Variants in POU6F2 observed in about 807,000 individuals in gnomAD.
POU6F2 encodes POU domain, class 6, transcription factor 2.
In POU6F2, 31 loss-of-function variants were observed where a neutral mutation model predicts 71.3. The observed-to-expected ratio is 0.43, with a 90% CI of 0.33 to 0.59. POU6F2 has a LOEUF of 0.59. Ranked by LOEUF, POU6F2 falls within the 20% of genes least tolerant of loss-of-function variation. The pLI is 0.04. For missense variants in POU6F2, 783 were observed against 856.8 expected (o/e 0.91, Z 1.07); for synonymous variants, 347 against 355.7 (o/e 0.98, Z 0.27).
chr7:39,074,688 G>A lies in POU6F2; in HGVS notation c.106-11172G>A, dbSNP rs374240713. On this transcript the variant is annotated intron_variant, in intron 1 of 9. Coordinates refer to ENST00000518318, the MANE Select transcript of POU6F2 (RefSeq NM_001370959.1). The stretch of plus-strand genomic sequence containing the variant: ...TGGTTTCTTGTTGAATTTTTTTGGT[G>A]GGATGTGGGGTGGGGAGCAGATCAG... Among the ~76,000 whole-genome samples, 155 of 152,110 alleles carry A rather than the reference G, an allele frequency of 1.0e-3. 2 individuals carry two copies. The South Asian group carries it at 0.025, about 24-fold the overall frequency.
At chr7:39,142,311 A>G (rs1792519451) in intron 2 of POU6F2, among the ~76,000 whole-genome samples, 1 of 152,218 alleles carries the variant, frequency 6.6e-6, no homozygotes, top group Non-Finnish European at 1.5e-5. Context: ...TTCTCAGAAC[A>G]TTATACCGTG....
intron 4 of POU6F2, among the ~76,000 whole-genome samples, chr7:39,298,517 G>A (rs1260168923): frequency 2.0e-5 from 3 of 152,204 alleles, no homozygotes; most frequent in African/African-American, 4.8e-5. Context: ...GAATGCTGGT[G>A]AGGCTGTGGA....
At chr7:39,282,151 A>G (rs192820383) in intron 4 of POU6F2, among the ~76,000 whole-genome samples, 35 of 152,108 alleles carry the variant, frequency 2.3e-4, no homozygotes, top group Admixed American at 2.0e-3. Context: ...TTGCTTTGCT[A>G]TTGAGTTGTT....
intron 2 of POU6F2, among the ~76,000 whole-genome samples, chr7:39,198,861 A>G (rs1430926637): frequency 2.0e-5 from 3 of 152,212 alleles, no homozygotes; most frequent in Admixed American, 6.5e-5. Context: ...GAAAGGAAGA[A>G]AAGTTTAATT....
chr7:39,211,759 C>A (rs140854641), intron 4 of POU6F2, among the ~76,000 whole-genome samples: 1 of 152,176 alleles, frequency 6.6e-6, no homozygotes, highest in Non-Finnish European at 1.5e-5. Flanking sequence ...CACAAGGCTG[C>A]AGGCTGTATC....
At chr7:39,159,048 C>T (rs1036212491) in intron 2 of POU6F2, among the ~76,000 whole-genome samples, 4 of 151,612 alleles carry the variant, frequency 2.6e-5, no homozygotes, top group Admixed American at 1.3e-4. Flanking sequence ...TGTGGTGGTG[C>T]GTGCCTGTAA....
At chr7:39,250,061 C>T (rs970786391) in intron 4 of POU6F2, among the ~76,000 whole-genome samples, 12 of 152,194 alleles carry the variant, frequency 7.9e-5, no homozygotes, top group Admixed American at 7.9e-4. Flanking sequence ...AGGGCCGCAT[C>T]AGCAGTGCCA....
intron 4 of POU6F2, among the ~76,000 whole-genome samples, chr7:39,312,314 T>C (rs1785181325): frequency 6.6e-6 from 1 of 152,212 alleles, no homozygotes; most frequent in African/African-American, 2.4e-5. Context: ...ACTTAAAGGT[T>C]AGTTATTCAG....
chr7:39,050,514 A>G (rs1021001207), intron 1 of POU6F2, among the ~76,000 whole-genome samples: 1 of 152,132 alleles, frequency 6.6e-6, no homozygotes, highest in African/African-American at 2.4e-5. Context: ...AACCAAGGGT[A>G]TCAAGTGTCT....
chr7:39,072,336 T>C (rs1270965283), intron 1 of POU6F2, among the ~76,000 whole-genome samples: 1 of 152,190 alleles, frequency 6.6e-6, no homozygotes, highest in Non-Finnish European at 1.5e-5. Context: ...ATATTAAAAT[T>C]TGGGTAATTC....
chr7:39,105,967 C>T (rs1451302932), intron 2 of POU6F2, among the ~76,000 whole-genome samples: 2 of 152,132 alleles, frequency 1.3e-5, no homozygotes, highest in Admixed American at 6.5e-5. Flanking sequence ...GGTACCAGAA[C>T]ATGTTAAGCT....
intron 2 of POU6F2, among the ~76,000 whole-genome samples, chr7:39,162,444 C>T (rs768524454): frequency 3.3e-5 from 5 of 152,166 alleles, no homozygotes; most frequent in Admixed American, 6.5e-5. Flanking sequence ...TCTTCCAAAA[C>T]GGTCTATAGT....
chr7:39,243,130 A>C (rs542955122), intron 4 of POU6F2, among the ~76,000 whole-genome samples: 2 of 152,342 alleles, frequency 1.3e-5, no homozygotes, highest in South Asian at 4.1e-4. Flanking sequence ...ACACTAAATG[A>C]AACTCTTCTC....
intron 5 of POU6F2, among the ~76,000 whole-genome samples, chr7:39,394,535 A>G (rs937166221): frequency 6.6e-6 from 1 of 151,864 alleles, no homozygotes; most frequent in African/African-American, 2.4e-5. Flanking sequence ...TGGGCTTCCT[A>G]TTTTCCTTCT....
chr7:39,116,629 CA>C (rs895497094), intron 2 of POU6F2, among the ~76,000 whole-genome samples: 6 of 152,134 alleles, frequency 3.9e-5, no homozygotes, highest in Non-Finnish European at 5.9e-5. Flanking sequence ...CTCTGGCCCC[CA>C]AAGGCTTTCT....
chr7:39,287,413 C>T (rs4551241), intron 4 of POU6F2, among the ~76,000 whole-genome samples: 16,611 of 152,120 alleles, frequency 0.11, 1,160 homozygotes, highest in Non-Finnish European at 0.15. Context: ...TTAAAGCTAA[C>T]GTCCAGATTT....
At chr7:39,456,858 T>G (rs1178813346) in intron 8 of POU6F2, among the ~76,000 whole-genome samples, 2 of 152,102 alleles carry the variant, frequency 1.3e-5, no homozygotes, top group Non-Finnish European at 2.9e-5. Flanking sequence ...AATACAAGAG[T>G]GGAAACTGTC....
Position 39,451,721 on chromosome 7 carries a change from C to G in POU6F2, c.1489+20C>G. Reference sequence around the variant, plus strand: ...TCAGCAGTAAGTATCCTTTCTGGCTCGGTTTAAATCGTGGTGGCCTTCTTG... The same window carrying G: ...TCAGCAGTAAGTATCCTTTCTGGCTGGGTTTAAATCGTGGTGGCCTTCTTG... On this transcript the variant is annotated intron_variant, in intron 8 of 9. Transcript: ENST00000518318. 6.4e-7 allele frequency: 1 copy of G among 1,555,918 alleles called. No individual in the cohort carries two copies. Among genetic ancestry groups the G allele is most frequent in the East Asian group, 2.4e-5 (1 of 41,514 alleles).
rs142024574 is a variant in POU6F2 at position 39,370,027 on chromosome 7, T to G, written c.972+30012T>G. On this transcript the variant is annotated intron_variant, in intron 5 of 9. Transcript: ENST00000518318. Reference sequence around the variant, plus strand: ...TAATGCTGTTGAACACTTCATAGACTGAGTGTAAACATAACTTTCATACTC... The same window carrying G: ...TAATGCTGTTGAACACTTCATAGACGGAGTGTAAACATAACTTTCATACTC... Among the ~76,000 whole-genome samples the G allele has an allele frequency of 7.9e-5, 12 of 152,320 alleles. No homozygotes were observed. In the East Asian group the frequency reaches 2.3e-3, roughly 29 times the overall value.
Sources: gnomAD v4.1 joint callset for allele counts (sites outside exome capture counted in the v4.1 genomes callset) on GRCh38, gnomAD v4.1.1 for gene constraint, MANE v1.5 for transcripts, NCBI Gene and HGNC (gene_info 2026-07-23, HGNC 2026-07-21) for gene names.